The following FDX1 variants were observed in gnomAD, a reference collection of about 807,000 sequenced individuals.
FDX1 encodes ferredoxin 1, also known as adrenodoxin, mitochondrial.
FDX1 carries 9 observed loss-of-function variants against 14.9 expected under a neutral mutation model. The observed-to-expected ratio is 0.60, with a 90% CI of 0.36 to 1.05. The LOEUF is 1.05. FDX1 is among the 50% of genes least tolerant of loss of function. FDX1 has a pLI of 0.01. For synonymous variants in FDX1, 92 were observed against 99.4 expected (o/e 0.93, Z 0.44); for missense variants, 204 against 237.2 (o/e 0.86, Z 0.92).
At chr11:110,436,080 A>T (rs1946367002) in intron 2 of FDX1, 122 bp downstream of exon 2, 1 of 773,614 alleles carries the variant, frequency 1.3e-6, no homozygotes, top group African/African-American at 1.8e-5. Context: ...ATTAACATTC[A>T]GGATGTGTTA....
chr11:110,455,444 T>C (rs1227106358), intron 2 of FDX1, among the ~76,000 whole-genome samples: 2 of 152,196 alleles, frequency 1.3e-5, no homozygotes, highest in Non-Finnish European at 2.9e-5. Flanking sequence ...TCATATAATA[T>C]TTAGTGACCA....
intron 2 of FDX1, among the ~76,000 whole-genome samples, chr11:110,443,438 CTTTTT>C (rs1204500783): frequency 7.6e-6 from 1 of 132,450 alleles, no homozygotes; most frequent in Non-Finnish European, 1.6e-5. Flanking sequence ...TAATAATATC[CTTTTT>C]TTTTTTTTTT....
In FDX1 at chr11:110,444,689, TATATATATATATATAC is replaced by T. The variant is rs1565381887; in HGVS notation, c.310+8732_310+8747del. ...ACGTATATATATATATATATACACG[TATATATATATATATAC>T]GTATATATATATATATACGTATATA... On this transcript the variant is annotated intron_variant, in intron 2 of 3. Transcript: ENST00000260270. Among the ~76,000 whole-genome samples the T allele has an allele frequency of 3.1e-3, 109 of 34,768 alleles. 6 individuals carry two copies. The highest frequency in any genetic ancestry group is 8.8e-3 in the African/African-American group (57 of 6,458). The allele number at this position is 34,768 out of a possible 152,430, so 22.8% of individuals were successfully genotyped here.
At chr11:110,443,165 AT>A (rs1946416024) in intron 2 of FDX1, among the ~76,000 whole-genome samples, 1 of 152,124 alleles carries the variant, frequency 6.6e-6, no homozygotes, top group South Asian at 2.1e-4. Flanking sequence ...AAATGGACTA[AT>A]ACAATTGGTT....
intron 3 of FDX1, among the ~76,000 whole-genome samples, chr11:110,461,733 G>T (rs1403822910): frequency 1.3e-5 from 2 of 152,096 alleles, no homozygotes; most frequent in Non-Finnish European, 2.9e-5. Flanking sequence ...CTAAGTTGAA[G>T]AGACCCCTGT....
rs1047007592 is a variant in FDX1 at position 110,453,824 on chromosome 11, G to A, written c.311-3094G>A. Among the ~76,000 whole-genome samples the A allele has an allele frequency of 3.3e-5, 5 of 152,116 alleles. No individual in the cohort carries two copies. The East Asian group carries it at 5.8e-4, about 18-fold the overall frequency. ...GTCTTGGAAACCCTTGGTACAGATC[G>A]TTTCTGTAGTGATAGTTGTTCTAAC... On this transcript the variant is annotated intron_variant, in intron 2 of 3. Coordinates refer to ENST00000260270, the MANE Select transcript of FDX1 (RefSeq NM_004109.5).
At chr11:110,458,702 G>A (rs1385826369) in intron 3 of FDX1, among the ~76,000 whole-genome samples, 2 of 151,932 alleles carry the variant, frequency 1.3e-5, no homozygotes, top group Admixed American at 6.6e-5. Flanking sequence ...CTGCCTCCCG[G>A]GTTCAAGCAA....
intron 2 of FDX1, among the ~76,000 whole-genome samples, chr11:110,444,723 CGT>C (rs1491346677): frequency 0.01 from 240 of 23,892 alleles, 6 homozygotes; most frequent in Middle Eastern, 0.025. Context: ...TATATATATA[CGT>C]ATATATATAT....
chr11:110,433,268 C>T (rs986565632), intron 1 of FDX1, among the ~76,000 whole-genome samples: 5 of 152,198 alleles, frequency 3.3e-5, no homozygotes, highest in African/African-American at 9.6e-5. Flanking sequence ...CAGACCCATA[C>T]CCATATTGCC....
At chr11:110,455,318 G>A (rs369523680) in intron 2 of FDX1, among the ~76,000 whole-genome samples, 7 of 151,536 alleles carry the variant, frequency 4.6e-5, no homozygotes, top group South Asian at 2.1e-4. Flanking sequence ...TTTTCCTTAC[G>A]GTAAAATATA....
At chr11:110,436,205 A>G (rs1946367938) in intron 2 of FDX1, among the ~76,000 whole-genome samples, 1 of 152,228 alleles carries the variant, frequency 6.6e-6, no homozygotes, top group South Asian at 2.1e-4. Flanking sequence ...TACTGTTTAT[A>G]TGTGTGATAC....
intron 1 of FDX1, among the ~76,000 whole-genome samples, chr11:110,430,599 T>C (rs938677036): frequency 6.6e-6 from 1 of 152,226 alleles, no homozygotes; most frequent in Non-Finnish European, 1.5e-5. Context: ...TCCCGTGCCC[T>C]GAGGAAAGCC....
At position 110,464,393 on chromosome 11, in the gene FDX1, G is replaced by A. The variant is rs566720257; in HGVS notation, c.*1925G>A. ...CTTGGCATCTGGTGACAGCTTTCTTGCTGCATCATTACATGGTGGAAGGGC... is the reference window on the plus strand; with the variant it reads ...CTTGGCATCTGGTGACAGCTTTCTTACTGCATCATTACATGGTGGAAGGGC... On this transcript the variant is annotated 3_prime_UTR_variant, in exon 4 of 4. Transcript: ENST00000260270. The A allele has an allele frequency of 1.3e-5, 2 of 152,328 alleles. No individual in the cohort carries two copies. Among genetic ancestry groups the A allele is most frequent in the South Asian group, 4.2e-4 (2 of 4,808 alleles). The allele number at this position is 152,328 out of a possible 1,614,324, so 9.4% of individuals were successfully genotyped here. A position where few individuals can be genotyped will look rare whatever the true frequency, so the allele number is the denominator to read the frequency against.
intron 2 of FDX1, among the ~76,000 whole-genome samples, chr11:110,447,273 CAAAAAA>C (rs541827807): frequency 2.0e-3 from 152 of 75,718 alleles, no homozygotes; most frequent in South Asian, 6.8e-3. Flanking sequence ...ACTAAAAATA[CAAAAAA>C]AAAAAAAAAA....
intron 3 of FDX1, among the ~76,000 whole-genome samples, chr11:110,457,800 A>G (rs141120481): frequency 2.1e-4 from 32 of 152,334 alleles, no homozygotes; most frequent in Non-Finnish European, 3.8e-4. Context: ...CAATTTTGTT[A>G]TACACTTTTA....
chr11:110,452,075 A>G (rs1946490043), intron 2 of FDX1, among the ~76,000 whole-genome samples: 1 of 152,198 alleles, frequency 6.6e-6, no homozygotes, highest in Non-Finnish European at 1.5e-5. Context: ...AAAAACATGA[A>G]TGCAAAATTG....
chr11:110,440,265 G>A (rs372157646), intron 2 of FDX1, among the ~76,000 whole-genome samples: 2 of 151,940 alleles, frequency 1.3e-5, no homozygotes, highest in African/African-American at 4.8e-5. Flanking sequence ...TTTGGGTCTC[G>A]ATTTTGTTCA....
intron 2 of FDX1, among the ~76,000 whole-genome samples, chr11:110,451,501 G>C (rs1946486389): frequency 6.6e-6 from 1 of 152,146 alleles, no homozygotes; most frequent in East Asian, 1.9e-4. Context: ...ATGAAAATTA[G>C]TTCAACCATT....
Position 110,435,850 on chromosome 11 carries a change from A to T in FDX1, c.202A>T (p.Thr68Ser). 2.5e-6 allele frequency: 4 copies of T among 1,604,284 alleles called. No individual in the cohort carries two copies. The highest frequency in any genetic ancestry group is 3.4e-6 in the Non-Finnish European group (4 of 1,174,766). The change falls in exon 2 of 4, where the codon ACA becomes TCA. Residue 68 changes from threonine (T) to serine (S), a missense_variant. Physicochemically the swap from Thr to Ser is moderately conservative, Grantham distance 58. Coordinates refer to ENST00000260270, the MANE Select transcript of FDX1 (RefSeq NM_004109.5). ...RARSSSEDKITVHFINRDGET... is the reference protein window; with the variant it reads ...RARSSSEDKISVHFINRDGET... ...TTTTTCCAGCTCAGAAGATAAAATA[A>T]CAGTCCACTTTATAAACCGTGATGG... is the stretch of plus-strand genomic sequence containing the variant.
Sources: allele counts gnomAD v4.1 joint callset (sites outside exome capture counted in the v4.1 genomes callset), GRCh38; gene constraint gnomAD v4.1.1; transcripts MANE v1.5; gene names NCBI Gene and HGNC (gene_info 2026-07-23, HGNC 2026-07-21).